The following ZNF451 variants were observed in gnomAD, a reference collection of about 807,000 sequenced individuals.
ZNF451 encodes zinc finger protein 451, also known as E3 SUMO-protein ligase ZNF451.
ZNF451 carries 80 observed loss-of-function variants against 107.1 expected under a neutral mutation model. The observed-to-expected ratio is 0.75, with a 90% CI of 0.62 to 0.90. ZNF451 has a LOEUF of 0.90. ZNF451 is among the 40% of genes least tolerant of loss of function. The probability of loss-of-function intolerance (pLI) is 0.00; values close to 1 mark genes in which losing one functional copy is unlikely to be tolerated. For synonymous variants in ZNF451, 362 were observed against 406.5 expected (o/e 0.89, Z 1.32); for missense variants, 1,107 against 1,236.2 (o/e 0.90, Z 1.57).
At chr6:57,139,611 C>G (rs905455713) in intron 7 of ZNF451, among the ~76,000 whole-genome samples, 1 of 152,122 alleles carries the variant, frequency 6.6e-6, no homozygotes, top group Non-Finnish European at 1.5e-5. Context: ...ATATTTATAA[C>G]AAGCACACAC....
In ZNF451 at chr6:57,147,864, T is replaced by C; in HGVS notation, c.1779T>C (p.Ile593=). ...AGCCTTCATCAGCTATTACTGTTAT[T>C]GATCATTCCCCGGCAAATAGTTCTC... is the stretch of plus-strand genomic sequence containing the variant. The part of the protein sequence containing the change: ...ANKPSSAITV[I]DHSPANSSPR... Residue 593 remains isoleucine (I), a synonymous_variant, in exon 10 of 15, where the codon ATT becomes ATC. Transcript: ENST00000370706. 1 of 1,614,154 alleles carries C rather than the reference T, an allele frequency of 6.2e-7. No homozygotes were observed.
In ZNF451 at chr6:57,147,690, A is replaced by G. The variant is rs745387225; in HGVS notation, c.1605A>G (p.Thr535=). The G allele has an allele frequency of 6.2e-7, 1 of 1,614,162 alleles. No individual in the cohort carries two copies. Among genetic ancestry groups the G allele is most frequent in the Non-Finnish European group, 8.5e-7 (1 of 1,179,990 alleles). The change falls in exon 10 of 15, where the codon ACA becomes ACG. Residue 535 remains threonine (T), a synonymous_variant. Coordinates refer to ENST00000370706, the MANE Select transcript of ZNF451 (RefSeq NM_001031623.3). ...HLNNFLFWCR[T]CKKELTRKDT... ...ATAACTTTCTTTTCTGGTGTCGGAC[A>G]TGCAAAAAGGAGTTAACAAGGAAAG... is the stretch of plus-strand genomic sequence containing the variant.
At chr6:57,096,767 CTTTTTTTT>C (rs772840052) in intron 2 of ZNF451, among the ~76,000 whole-genome samples, 1 of 79,932 alleles carries the variant, frequency 1.3e-5, no homozygotes, top group East Asian at 3.3e-4. Context: ...AATTTTCAGT[CTTTTTTTT>C]TTTTTTTTTT....
At chr6:57,113,328 T>A (rs1361128729) in intron 3 of ZNF451, among the ~76,000 whole-genome samples, 1 of 152,164 alleles carries the variant, frequency 6.6e-6, no homozygotes, top group South Asian at 2.1e-4. Flanking sequence ...TTTTTTTTTT[T>A]TGGCCGTATA....
rs778609172 is a variant in ZNF451 at position 57,150,729 on chromosome 6, T to G, written c.2619T>G (p.Ile873Met). The G allele has an allele frequency of 1.2e-6, 2 of 1,602,076 alleles. No homozygotes were observed. The highest frequency in any genetic ancestry group is 3.5e-5 in the Admixed American group (2 of 57,830). ...TTTCTCTCTTCTCAGAGGAAGAAAT[T>G]GTTGAGCTTCCAGATTTGGATTACC... ...DLSYQNIEEE[I>M]VELPDLDYLR... The change falls in exon 11 of 15, where the codon ATT becomes ATG. Residue 873 changes from isoleucine (I) to methionine (M), a missense_variant. By Grantham distance (10) the Ile-to-Met change is conservative. Around this residue, in one of 5 missense-constraint regions of ZNF451, gnomAD observed 608 missense variants for 649.2 expected, o/e 0.94. Coordinates refer to ENST00000370706, the MANE Select transcript of ZNF451 (RefSeq NM_001031623.3).
chr6:57,105,687 A>G (rs1421832069), intron 3 of ZNF451: 4 of 985,186 alleles, frequency 4.1e-6, no homozygotes, highest in South Asian at 9.4e-5. Context: ...TTTGTTTTCT[A>G]TAGATATGCT....
chr6:57,138,784 T>A (rs1338171090), intron 7 of ZNF451, among the ~76,000 whole-genome samples: 107 of 114,106 alleles, frequency 9.4e-4, no homozygotes, highest in Non-Finnish European at 1.7e-3. Flanking sequence ...TGTATATATA[T>A]ATATAAAATT....
At chr6:57,142,746 T>C (rs1047239657) in intron 9 of ZNF451, among the ~76,000 whole-genome samples, 10 of 152,220 alleles carry the variant, frequency 6.6e-5, no homozygotes, top group South Asian at 4.1e-4. Context: ...GAAGTAGGTT[T>C]ATATTTAACT....
intron 14 of ZNF451, among the ~76,000 whole-genome samples, chr6:57,164,548 C>G (rs1383380383): frequency 6.6e-6 from 1 of 152,122 alleles, no homozygotes; most frequent in Non-Finnish European, 1.5e-5. Flanking sequence ...TTTGCAAAAC[C>G]ATCTTTCTGT....
intron 2 of ZNF451, among the ~76,000 whole-genome samples, chr6:57,092,631 A>G (rs886660328): frequency 6.6e-6 from 1 of 152,202 alleles, no homozygotes; most frequent in African/African-American, 2.4e-5. Flanking sequence ...CTGGAATCCA[A>G]TCCTATATGT....
intron 2 of ZNF451, among the ~76,000 whole-genome samples, chr6:57,095,817 G>T (rs57879538): frequency 0.046 from 6,692 of 147,040 alleles, 191 homozygotes; most frequent in Non-Finnish European, 0.064. Context: ...TTTTTTTTTT[G>T]TTGTTGTTGT....
intron 5 of ZNF451, among the ~76,000 whole-genome samples, chr6:57,132,702 C>G (rs1363102921): frequency 6.7e-6 from 1 of 149,504 alleles, no homozygotes; most frequent in African/African-American, 2.5e-5. Context: ...ATTTTTTTTC[C>G]CTAAAGGGAA....
chr6:57,166,986 A>G (rs1363748000), intron 14 of ZNF451, among the ~76,000 whole-genome samples: 2 of 152,160 alleles, frequency 1.3e-5, no homozygotes, highest in African/African-American at 4.8e-5. Flanking sequence ...TTTAATCCCT[A>G]TAAGCTCACT....
intron 3 of ZNF451, among the ~76,000 whole-genome samples, chr6:57,111,381 T>TG (rs1830106399): frequency 6.6e-6 from 1 of 151,686 alleles, no homozygotes; most frequent in African/African-American, 2.4e-5. Flanking sequence ...GTTTTTTTTT[T>TG]TTTGTTTTTT....
At chr6:57,102,184 G>A (rs1378928003) in intron 3 of ZNF451, 1 of 1,429,632 alleles carries the variant, frequency 7.0e-7, no homozygotes, top group African/African-American at 1.4e-5. Context: ...CTACAGGTAG[G>A]AGATCATCTC....
rs570195270 is a variant in ZNF451, at chr6:57,135,646, G to A, written c.702+776G>A. ...AAACATAAAAGCTTAAATATTCATCGAATCAATGCATACATTTCTACATTT... is the reference window on the plus strand; with the variant it reads ...AAACATAAAAGCTTAAATATTCATCAAATCAATGCATACATTTCTACATTT... On this transcript the variant is annotated intron_variant, in intron 7 of 14. Coordinates refer to ENST00000370706, the MANE Select transcript of ZNF451 (RefSeq NM_001031623.3). Among the ~76,000 whole-genome samples the A allele has an allele frequency of 2.6e-5, 4 of 152,130 alleles. No homozygotes were observed. In the South Asian group the frequency reaches 6.2e-4, roughly 24 times the overall value.
chr6:57,101,947 A>C (rs1232453044), intron 3 of ZNF451: 3 of 1,550,556 alleles, frequency 1.9e-6, no homozygotes, highest in Non-Finnish European at 2.6e-6. Flanking sequence ...CAAATACTAT[A>C]ATCAGCATCG....
chr6:57,103,408 A>G (rs1014430624), intron 3 of ZNF451: 22 of 985,284 alleles, frequency 2.2e-5, no homozygotes, highest in Non-Finnish European at 2.4e-5. Flanking sequence ...TGTAAGAGAC[A>G]GCTTATCTTT....
At position 57,150,764 on chromosome 6, in the gene ZNF451, T is replaced by C. The variant is rs762061803; in HGVS notation, c.2654T>C (p.Met885Thr). ...ELPDLDYLRTMTHIVFVDFDN... is the reference protein window; with the variant it reads ...ELPDLDYLRTTTHIVFVDFDN... ...CCAGATTTGGATTACCTGCGAACCATGACTCATATAGTCTTTGTAGATTTT... is the reference window on the plus strand; with the variant it reads ...CCAGATTTGGATTACCTGCGAACCACGACTCATATAGTCTTTGTAGATTTT... The change falls in exon 11 of 15, where the codon ATG (methionine) becomes ACG (threonine). Residue 885 changes from methionine (M) to threonine (T), a missense_variant. This residue lies in a region of ZNF451 where 608 missense variants were observed against 649.2 expected (regional missense o/e 0.94). Transcript: ENST00000370706. 2 of 1,612,146 alleles carry C rather than the reference T, an allele frequency of 1.2e-6. No homozygotes were observed. Among genetic ancestry groups the C allele is most frequent in the Non-Finnish European group, 1.7e-6 (2 of 1,179,104 alleles).
Sources: gnomAD v4.1 joint callset for allele counts (sites outside exome capture counted in the v4.1 genomes callset) on GRCh38, gnomAD v4.1.1 for gene constraint, gnomAD v4.1.1 regional missense constraint, MANE v1.5 for transcripts, NCBI Gene and HGNC (gene_info 2026-07-23, HGNC 2026-07-21) for gene names.